NRXN1: variants seen among roughly 807,000 people sequenced by gnomAD.
NRXN1 encodes the protein neurexin 1.
In NRXN1, 39 loss-of-function variants were observed where a neutral mutation model predicts 150.9. That is an observed-to-expected ratio of 0.26 (90% CI 0.20 to 0.34). The LOEUF is 0.34. Ranked by LOEUF, NRXN1 falls within the 10% of genes least tolerant of loss-of-function variation. The pLI is 1.00. For synonymous variants in NRXN1, 924 were observed against 757.0 expected, an observed-to-expected ratio of 1.22 and a Z score of -3.62; for missense variants, 1,815 against 1,949.9, an observed-to-expected ratio of 0.93 and a Z score of 1.30.
At chr2:50,380,874 T>C (rs573220134) in intron 17 of NRXN1, among the ~76,000 whole-genome samples, 1 of 152,258 alleles carries the variant, frequency 6.6e-6, no homozygotes, top group Admixed American at 6.6e-5. Flanking sequence ...TAAATATTTC[T>C]TGTAAGCCTA....
intron 5 of NRXN1, among the ~76,000 whole-genome samples, chr2:50,839,444 C>T (rs1672563256): frequency 6.6e-6 from 1 of 152,006 alleles, no homozygotes; most frequent in Non-Finnish European, 1.5e-5. Flanking sequence ...TGTAACCTCC[C>T]CTAAGGTATC....
intron 5 of NRXN1, among the ~76,000 whole-genome samples, chr2:50,651,507 G>A (rs201818448): frequency 2.1e-5 from 3 of 145,770 alleles, no homozygotes; most frequent in East Asian, 2.1e-4. Context: ...GACATGACAT[G>A]ACATAACATG....
At chr2:50,911,506 C>T (rs1684520418) in intron 5 of NRXN1, among the ~76,000 whole-genome samples, 2 of 151,830 alleles carry the variant, frequency 1.3e-5, no homozygotes, top group African/African-American at 2.4e-5. Context: ...CAAATTTCTA[C>T]CCCAATAAAG....
chr2:50,586,468 C>A (rs918795150), intron 8 of NRXN1, among the ~76,000 whole-genome samples: 3 of 151,866 alleles, frequency 2.0e-5, no homozygotes, highest in African/African-American at 7.3e-5. Context: ...CCTTTTGTTC[C>A]CTATTGTATA....
intron 2 of NRXN1, among the ~76,000 whole-genome samples, chr2:50,975,257 T>A (rs779545461): frequency 6.6e-6 from 1 of 152,122 alleles, no homozygotes; most frequent in Non-Finnish European, 1.5e-5. Flanking sequence ...TTTATAAACA[T>A]AACCATATAA....
chr2:50,786,891 T>TA (rs1554078452), intron 5 of NRXN1, among the ~76,000 whole-genome samples: 1 of 152,060 alleles, frequency 6.6e-6, no homozygotes, highest in Non-Finnish European at 1.5e-5. Flanking sequence ...TAATAACATA[T>TA]AAAAAAATGG....
At chr2:50,675,462 G>T (rs1689419049) in intron 5 of NRXN1, among the ~76,000 whole-genome samples, 1 of 152,110 alleles carries the variant, frequency 6.6e-6, no homozygotes, top group Non-Finnish European at 1.5e-5. Context: ...TGCTGTATCA[G>T]GAAATCAACT....
chr2:50,755,882 G>T (rs958153490), intron 5 of NRXN1, among the ~76,000 whole-genome samples: 16 of 151,778 alleles, frequency 1.1e-4, no homozygotes, highest in African/African-American at 3.9e-4. Flanking sequence ...GTGTTGTGAG[G>T]GTTCCTTCAC....
chr2:50,385,720 A>G (rs1237460809), intron 17 of NRXN1, among the ~76,000 whole-genome samples: 3 of 152,108 alleles, frequency 2.0e-5, no homozygotes, highest in South Asian at 2.1e-4. Context: ...TAGAATACCA[A>G]CAATCAACAT....
intron 21 of NRXN1, among the ~76,000 whole-genome samples, chr2:49,957,268 A>G (rs1270815590): frequency 2.0e-5 from 3 of 152,122 alleles, no homozygotes; most frequent in Admixed American, 6.6e-5. Flanking sequence ...CCTATTTTGC[A>G]TGAGTATTAC....
chr2:50,146,735 C>T (rs1318596233), intron 18 of NRXN1, among the ~76,000 whole-genome samples: 1 of 151,540 alleles, frequency 6.6e-6, no homozygotes, highest in Admixed American at 6.6e-5. Flanking sequence ...TATACACAGG[C>T]CAAGTTTTCT....
chr2:50,028,947 G>T (rs1352888629), intron 21 of NRXN1, among the ~76,000 whole-genome samples: 3 of 152,132 alleles, frequency 2.0e-5, no homozygotes, highest in Admixed American at 6.5e-5. Flanking sequence ...TACAAAATTT[G>T]TCTTCATGGA....
chr2:50,070,176 T>A (rs1317041341), intron 19 of NRXN1, among the ~76,000 whole-genome samples: 1 of 152,052 alleles, frequency 6.6e-6, no homozygotes. Flanking sequence ...ACAGAGTAGT[T>A]AAGACAATGA....
intron 5 of NRXN1, among the ~76,000 whole-genome samples, chr2:50,751,819 CAA>C (rs1700626684): frequency 6.6e-6 from 1 of 151,908 alleles, no homozygotes; most frequent in African/African-American, 2.4e-5. Context: ...CTCACTTAAG[CAA>C]AACTTTCCAC....
chr2:49,949,132 A>T (rs1480600175), intron 21 of NRXN1, among the ~76,000 whole-genome samples: 2 of 151,964 alleles, frequency 1.3e-5, no homozygotes, highest in Non-Finnish European at 2.9e-5. Context: ...AGGGTTTGAG[A>T]AATATGTCAG....
chr2:50,477,068 G>A (rs1019155285), intron 15 of NRXN1, among the ~76,000 whole-genome samples: 1 of 152,018 alleles, frequency 6.6e-6, no homozygotes, highest in African/African-American at 2.4e-5. Context: ...ATATAAATGT[G>A]GATGCCAGAC....
intron 18 of NRXN1, among the ~76,000 whole-genome samples, chr2:50,118,308 G>A (rs551811655): frequency 9.2e-5 from 14 of 152,156 alleles, no homozygotes; most frequent in African/African-American, 2.9e-4. Flanking sequence ...TGCTGATGCC[G>A]CCAGTCTGCA....
At chr2:49,961,996 C>T (rs1235764691) in intron 21 of NRXN1, among the ~76,000 whole-genome samples, 2 of 152,060 alleles carry the variant, frequency 1.3e-5, no homozygotes, top group Non-Finnish European at 2.9e-5. Context: ...GTCCCAGCCA[C>T]CTGGAGGAGG....
intron 5 of NRXN1, among the ~76,000 whole-genome samples, chr2:50,643,943 T>C (rs990578753): frequency 6.6e-6 from 1 of 151,926 alleles, no homozygotes; most frequent in Non-Finnish European, 1.5e-5. Context: ...AGACTGTGAA[T>C]TGAATTGCCC....
Sources: gnomAD v4.1 joint callset for allele counts (sites outside exome capture counted in the v4.1 genomes callset) on GRCh38, gnomAD v4.1.1 for gene constraint, MANE v1.5 for transcripts, NCBI Gene and HGNC (gene_info 2026-07-23, HGNC 2026-07-21) for gene names.